Variants in GALR2 observed in about 807,000 individuals in gnomAD.
GALR2 encodes galanin receptor 2.
In GALR2, 5 loss-of-function variants were observed where a neutral mutation model predicts 7.2. That is an observed-to-expected ratio of 0.69 (90% CI 0.36 to 1.45). The LOEUF (loss-of-function observed/expected upper bound fraction) is 1.45. GALR2 is among the 40% of genes most tolerant of loss of function. The pLI is 0.03. For missense variants in GALR2, 561 were observed against 555.7 expected (o/e 1.01, Z -0.10); for synonymous variants, 300 against 263.9 (o/e 1.14, Z -1.32).
At chr17:76,072,460 C>G, upstream of GALR2, 1 of 1,582,732 alleles carries the variant, frequency 6.3e-7, no homozygotes, top group Non-Finnish European at 8.5e-7. The surrounding 1 kb of genome is among the most constrained non-coding windows in gnomAD (Gnocchi z 4.5). Context: ...GCCGCCGCCG[C>G]CGCCGCCTGG....
At position 76,075,974 on chromosome 17, in the gene GALR2, G is replaced by C. The variant is rs949799245; in HGVS notation, c.369-662G>C. On this transcript the variant is annotated intron_variant, in intron 1 of 1. Transcript: ENST00000329003. This position sits in a 1 kb window ranked among gnomAD's most constrained non-coding sequence, Gnocchi z 5.9. The stretch of plus-strand genomic sequence containing the variant: ...GAGACGCACATTCGGGAGAGCGCGG[G>C]ACTCAGGTGGAGCTTGAAAGGACAC... Among the ~76,000 whole-genome samples, 3 of 152,206 alleles carry C rather than the reference G, an allele frequency of 2.0e-5. No individual in the cohort carries two copies. The highest frequency in any genetic ancestry group is 6.5e-5 in the Admixed American group (1 of 15,274).
Position 76,076,654 on chromosome 17 carries a change from C to G in GALR2, c.387C>G (p.Tyr129Ter), listed in dbSNP as rs764119244. The change falls in exon 2 of 2, where the codon TAC becomes TAG. Residue 129 changes from tyrosine to a stop codon, truncating the protein, a stop_gained. Transcript: ENST00000329003. LOFTEE classifies it low-confidence loss of function (END_TRUNC). This position sits in a 1 kb window ranked among gnomAD's most constrained non-coding sequence, Gnocchi z 6.5. ...ACCGCAGGTATCTGGCCATCCGCTA[C>G]CCGCTGCACTCCCGCGAGCTGCGCA... is the stretch of plus-strand genomic sequence containing the variant. The part of the protein sequence containing the change: ...VSLDRYLAIR[Y>*]PLHSRELRTP... 9.4e-6 allele frequency: 15 copies of G among 1,587,984 alleles called. No individual in the cohort carries two copies. In the African/African-American group the frequency reaches 1.5e-4, roughly 16 times the overall value.
chr17:76,076,779 A>G lies in GALR2; in HGVS notation c.512A>G (p.Asn171Ser), dbSNP rs759813358. ...TACTACCGCCAGTCGCAGCTGGCCA[A>G]CCTGACCGTGTGCCATCCCGCGTGG... ...LSYYRQSQLA[N>S]LTVCHPAWSA... Residue 171 changes from asparagine to serine, a missense_variant, in exon 2 of 2, where the codon AAC (asparagine) becomes AGC (serine). Physicochemically the swap from Asn to Ser is conservative, Grantham distance 46 (BLOSUM62 1). Transcript: ENST00000329003. This position sits in a 1 kb window ranked among gnomAD's most constrained non-coding sequence, Gnocchi z 6.5. 5.6e-6 allele frequency: 9 copies of G among 1,606,184 alleles called. No individual in the cohort carries two copies. Among genetic ancestry groups the G allele is most frequent in the Middle Eastern group, 1.6e-4 (1 of 6,062 alleles).
upstream of GALR2, among the ~76,000 whole-genome samples, chr17:76,074,022 C>T (rs1333000293): frequency 6.6e-6 from 1 of 152,012 alleles, no homozygotes; most frequent in Non-Finnish European, 1.5e-5. This position sits in a 1 kb window ranked among gnomAD's most constrained non-coding sequence, Gnocchi z 6.7. Flanking sequence ...GGCAGGCGCC[C>T]GTCATCCCAG....
chr17:76,076,894 C>T lies in GALR2; in HGVS notation c.627C>T (p.Arg209=). Residue 209 remains arginine (R), a synonymous_variant, in exon 2 of 2, where the codon CGC becomes CGT. Coordinates refer to ENST00000329003, the MANE Select transcript of GALR2 (RefSeq NM_003857.4). This position sits in a 1 kb window ranked among gnomAD's most constrained non-coding sequence, Gnocchi z 6.5. ...PVLVLGLTYA[R]TLRYLWRAVD... ...TGGTTCTCGGCCTGACCTACGCGCG[C>T]ACCTTGCGCTACCTCTGGCGCGCCG... is the stretch of plus-strand genomic sequence containing the variant. The T allele has an allele frequency of 6.2e-7, 1 of 1,603,086 alleles. No homozygotes were observed. The highest frequency in any genetic ancestry group is 8.5e-7 in the Non-Finnish European group (1 of 1,179,042).
chr17:76,077,409 T>G lies in GALR2; in HGVS notation c.1142T>G (p.Ile381Ser). The change falls in exon 2 of 2, where the codon ATC becomes AGC. Residue 381 changes from isoleucine (I) to serine (S), a missense_variant. Ile to Ser is a moderately radical substitution (Grantham distance 142, BLOSUM62 -2). Coordinates refer to ENST00000329003, the MANE Select transcript of GALR2 (RefSeq NM_003857.4). ...SWQGPKAGDSILTVDVA is the reference protein window; with the variant it reads ...SWQGPKAGDSSLTVDVA Reference sequence around the variant, plus strand: ...CAGGGCCCAAAGGCAGGCGACAGCATCCTGACGGTTGATGTGGCCTGAAAG... The same window carrying G: ...CAGGGCCCAAAGGCAGGCGACAGCAGCCTGACGGTTGATGTGGCCTGAAAG... 6.9e-7 allele frequency: 1 copy of G among 1,456,948 alleles called. No homozygotes were observed. Among genetic ancestry groups the G allele is most frequent in the South Asian group, 1.4e-5 (1 of 70,030 alleles). The allele number at this position is 1,456,948 out of a possible 1,614,324, so 90.3% of individuals were successfully genotyped here. A position where few individuals can be genotyped will look rare whatever the true frequency, so the allele number is the denominator to read the frequency against.
chr17:76,075,332 G>C lies in GALR2; in HGVS notation c.368+81G>C. The C allele has an allele frequency of 1.4e-6, 2 of 1,448,930 alleles. No homozygotes were observed. The highest frequency in any genetic ancestry group is 1.9e-6 in the Non-Finnish European group (2 of 1,067,434). The allele number at this position is 1,448,930 out of a possible 1,614,324, so 89.8% of individuals were successfully genotyped here. On this transcript the variant is annotated intron_variant, in intron 1 of 1. Coordinates refer to ENST00000329003, the MANE Select transcript of GALR2 (RefSeq NM_003857.4). The surrounding 1 kb of genome is among the most constrained non-coding windows in gnomAD (Gnocchi z 5.9). Reference sequence around the variant, plus strand: ...GGGAGGCGGGACTGGGGACCAAGAAGGGACGCGCAGAGTGGGACAGGACAC... The same window carrying C: ...GGGAGGCGGGACTGGGGACCAAGAACGGACGCGCAGAGTGGGACAGGACAC...
In GALR2 at chr17:76,075,606, T is replaced by C. The variant is rs1430781423; in HGVS notation, c.368+355T>C. On this transcript the variant is annotated intron_variant, in intron 1 of 1. Transcript: ENST00000329003. The surrounding 1 kb of genome is among the most constrained non-coding windows in gnomAD (Gnocchi z 5.9). ...ACAAAGTGCCCAATATACAGAAGAG[T>C]TGAGTTCCTAAGTAACTCGCTCAGA... 6.6e-6 allele frequency among the ~76,000 whole-genome samples: 1 copy of C among 151,736 alleles called. No homozygotes were observed. Among genetic ancestry groups the C allele is most frequent in the Non-Finnish European group, 1.5e-5 (1 of 67,938 alleles).
At chr17:76,072,414 A>ACCGCCG, upstream of GALR2, 6 of 1,580,614 alleles carry the variant, frequency 3.8e-6, no homozygotes, top group Non-Finnish European at 5.1e-6. The surrounding 1 kb of genome is among the most constrained non-coding windows in gnomAD (Gnocchi z 4.5). Flanking sequence ...CACCGCCGCT[A>ACCGCCG]CCGCCGCCGC....
chr17:76,075,371 G>A lies in GALR2; in HGVS notation c.368+120G>A. The A allele has an allele frequency of 9.1e-7, 1 of 1,097,096 alleles. No homozygotes were observed. Among genetic ancestry groups the A allele is most frequent in the Non-Finnish European group, 1.3e-6 (1 of 773,892 alleles). 68.0% of individuals were successfully genotyped at this position (1,097,096 alleles called of 1,614,324 possible). Reference sequence around the variant, plus strand: ...GGGACAGGACACTAAGAAGGCAGTGGAAGACAAGCGGGCGCGGAGGAGGAA... The same window carrying A: ...GGGACAGGACACTAAGAAGGCAGTGAAAGACAAGCGGGCGCGGAGGAGGAA... On this transcript the variant is annotated intron_variant, in intron 1 of 1. Coordinates refer to ENST00000329003, the MANE Select transcript of GALR2 (RefSeq NM_003857.4). The surrounding 1 kb of genome is among the most constrained non-coding windows in gnomAD (Gnocchi z 5.9).
At chr17:76,073,420 C>G, upstream of GALR2, among the ~76,000 whole-genome samples, 1 of 141,766 alleles carries the variant, frequency 7.1e-6, no homozygotes, top group African/African-American at 2.7e-5. Context: ...CTCAGCCTCC[C>G]GAGTAGCTGG....
Position 76,076,979 on chromosome 17 carries a change from A to G in GALR2, c.712A>G (p.Ile238Val). The change falls in exon 2 of 2, where the codon ATC becomes GTC. Residue 238 changes from isoleucine to valine, a missense_variant. Transcript: ENST00000329003. The surrounding 1 kb of genome is among the most constrained non-coding windows in gnomAD (Gnocchi z 6.5). ...RRAKRKVTRM[I>V]LIVAALFCLC... ...CGCCAAGCGCAAGGTGACACGCATG[A>G]TCCTCATCGTGGCCGCGCTCTTCTG... 2 of 1,607,528 alleles carry G rather than the reference A, an allele frequency of 1.2e-6. No homozygotes were observed. Among genetic ancestry groups the G allele is most frequent in the South Asian group, 2.2e-5 (2 of 91,068 alleles).
At position 76,076,365 on chromosome 17, in the gene GALR2, C is replaced by T. The variant is rs1225321553; in HGVS notation, c.369-271C>T. On this transcript the variant is annotated intron_variant, in intron 1 of 1. Coordinates refer to ENST00000329003, the MANE Select transcript of GALR2 (RefSeq NM_003857.4). This position sits in a 1 kb window ranked among gnomAD's most constrained non-coding sequence, Gnocchi z 6.5. ...CTCAGTGGAGACTGTGGTTGCAGTC[C>T]CCGGGGGCAGCGGGAGAATGGCTTG... Among the ~76,000 whole-genome samples the T allele has an allele frequency of 6.6e-6, 1 of 152,152 alleles. No homozygotes were observed. The highest frequency in any genetic ancestry group is 1.5e-5 in the Non-Finnish European group (1 of 68,022).
upstream of GALR2, chr17:76,072,469 G>A (rs755696245): frequency 1.1e-5 from 18 of 1,579,026 alleles, no homozygotes; most frequent in Non-Finnish European, 1.5e-5. The surrounding 1 kb of genome is among the most constrained non-coding windows in gnomAD (Gnocchi z 4.5). Context: ...GCCGCCGCCT[G>A]GGACCTGCTT....
In GALR2 at chr17:76,077,472, T is replaced by C; in HGVS notation, c.*41T>C. The C allele has an allele frequency of 2.1e-6, 3 of 1,424,324 alleles. No individual in the cohort carries two copies. Among genetic ancestry groups the C allele is most frequent in the Non-Finnish European group, 2.8e-6 (3 of 1,088,272 alleles). 88.2% of individuals were successfully genotyped at this position (1,424,324 alleles called of 1,614,324 possible). A position where few individuals can be genotyped will look rare whatever the true frequency, so the allele number is the denominator to read the frequency against. Reference sequence around the variant, plus strand: ...GCGCTGGGATGTCACAGAGTTGGAGTCATTGTTGGGGGACCGTGGGGAGAG... The same window carrying C: ...GCGCTGGGATGTCACAGAGTTGGAGCCATTGTTGGGGGACCGTGGGGAGAG... On this transcript the variant is annotated 3_prime_UTR_variant, in exon 2 of 2. Transcript: ENST00000329003.
At position 76,075,621 on chromosome 17, in the gene GALR2, A is replaced by C. The variant is rs1281779961; in HGVS notation, c.368+370A>C. 6.6e-6 allele frequency among the ~76,000 whole-genome samples: 1 copy of C among 152,062 alleles called. No individual in the cohort carries two copies. The highest frequency in any genetic ancestry group is 1.5e-5 in the Non-Finnish European group (1 of 68,006). On this transcript the variant is annotated intron_variant, in intron 1 of 1. Coordinates refer to ENST00000329003, the MANE Select transcript of GALR2 (RefSeq NM_003857.4). The surrounding 1 kb of genome is among the most constrained non-coding windows in gnomAD (Gnocchi z 5.9). ...TACAGAAGAGTTGAGTTCCTAAGTA[A>C]CTCGCTCAGAGTCGCCAGCCAGGGA...
Position 76,075,320 on chromosome 17 carries a change from G to A in GALR2, c.368+69G>A. On this transcript the variant is annotated intron_variant, in intron 1 of 1. Coordinates refer to ENST00000329003, the MANE Select transcript of GALR2 (RefSeq NM_003857.4). The surrounding 1 kb of genome is among the most constrained non-coding windows in gnomAD (Gnocchi z 5.9). ...GGGGGATGGAGCGGGAGGCGGGACT[G>A]GGGACCAAGAAGGGACGCGCAGAGT... 6.6e-7 allele frequency: 1 copy of A among 1,520,582 alleles called. No homozygotes were observed. Among genetic ancestry groups the A allele is most frequent in the East Asian group, 2.3e-5 (1 of 44,276 alleles). The allele number at this position is 1,520,582 out of a possible 1,614,324, so 94.2% of individuals were successfully genotyped here.
At chr17:76,072,574 C>A (rs925446724), upstream of GALR2, 4 of 1,506,156 alleles carry the variant, frequency 2.7e-6, no homozygotes, top group Admixed American at 6.9e-5. This position sits in a 1 kb window ranked among gnomAD's most constrained non-coding sequence, Gnocchi z 4.5. Context: ...CCTGGCCGGG[C>A]TGATGGGATA....
chr17:76,077,220 C>A lies in GALR2; in HGVS notation c.953C>A (p.Ala318Asp). The A allele has an allele frequency of 1.2e-6, 2 of 1,607,450 alleles. No homozygotes were observed. Among genetic ancestry groups the A allele is most frequent in the Non-Finnish European group, 1.7e-6 (2 of 1,177,834 alleles). Reference protein sequence around the residue: ...AGLLGRAPGRASGRVCAAARG... With the variant: ...AGLLGRAPGRDSGRVCAAARG... ...CTGCTGGGCCGTGCCCCAGGCCGAG[C>A]CTCGGGCCGTGTGTGCGCTGCCGCG... The change falls in exon 2 of 2, where the codon GCC (alanine) becomes GAC (aspartate). Residue 318 changes from alanine to aspartate, a missense_variant. Ala to Asp is a moderately radical substitution (Grantham distance 126, BLOSUM62 -2). Coordinates refer to ENST00000329003, the MANE Select transcript of GALR2 (RefSeq NM_003857.4).
Sources: gnomAD v4.1 joint callset for allele counts (sites outside exome capture counted in the v4.1 genomes callset) on GRCh38, gnomAD v4.1.1 for gene constraint, Gnocchi (gnomAD v3.1) non-coding constraint, MANE v1.5 for transcripts, NCBI Gene and HGNC (gene_info 2026-07-23, HGNC 2026-07-21) for gene names.